The following CSMD1 variants were observed in gnomAD, a reference collection of about 807,000 sequenced individuals.
The protein encoded by CSMD1 is CUB and Sushi multiple domains 1.
In CSMD1, 213 loss-of-function variants were observed where a neutral mutation model predicts 417.5. The ratio of observed to expected loss-of-function variants is 0.51; its 90% CI spans 0.46 to 0.57. The LOEUF is 0.57. Ranked by LOEUF, CSMD1 falls within the 20% of genes least tolerant of loss-of-function variation. The probability of loss-of-function intolerance (pLI) is 0.00; values close to 1 mark genes in which losing one functional copy is unlikely to be tolerated. For missense variants in CSMD1, 6,923 were observed against 4,529.7 expected (o/e 1.53, Z -15.17); for synonymous variants, 2,862 against 1,736.8 (o/e 1.65, Z -16.11).
In CSMD1 at chr8:3,881,629, C is replaced by G. The variant is rs536684905; in HGVS notation, c.818+116274G>C. Among the ~76,000 whole-genome samples the G allele has an allele frequency of 1.7e-4, 22 of 127,170 alleles. No individual in the cohort carries two copies. The East Asian group carries it at 4.1e-3, about 24-fold the overall frequency. 83.4% of individuals were successfully genotyped at this position (127,170 alleles called of 152,430 possible). Reference sequence around the variant, plus strand: ...ATCTCAAAAAAAAAAAAAACAAAAACAAAAACAAACAAACAAACAAAAACC... The same window carrying G: ...ATCTCAAAAAAAAAAAAAACAAAAAGAAAAACAAACAAACAAACAAAAACC... On this transcript the variant is annotated intron_variant, in intron 5 of 69. Coordinates refer to ENST00000635120, the MANE Select transcript of CSMD1 (RefSeq NM_033225.6).
intron 1 of CSMD1, among the ~76,000 whole-genome samples, chr8:4,657,459 T>C (rs1804306811): frequency 6.6e-6 from 1 of 152,254 alleles, no homozygotes; most frequent in South Asian, 2.1e-4. Flanking sequence ...TTGGCATTCA[T>C]GGAAATCTCT....
chr8:3,137,522 T>A (rs535625835), intron 41 of CSMD1, among the ~76,000 whole-genome samples: 2 of 152,328 alleles, frequency 1.3e-5, no homozygotes, highest in East Asian at 3.9e-4. Context: ...CAGTGTATTG[T>A]TTTCAGTAAG....
chr8:4,802,147 G>C (rs1160855703), intron 1 of CSMD1, among the ~76,000 whole-genome samples: 1 of 152,184 alleles, frequency 6.6e-6, no homozygotes, highest in Non-Finnish European at 1.5e-5. Flanking sequence ...AAATCGAAGA[G>C]CAATTGCACA....
chr8:3,124,228 GACTCT>G (rs1049062276), intron 41 of CSMD1, among the ~76,000 whole-genome samples: 21 of 151,536 alleles, frequency 1.4e-4, no homozygotes, highest in Non-Finnish European at 2.7e-4. Context: ...ATTATTTATT[GACTCT>G]ACTCTGTTAT....
intron 7 of CSMD1, among the ~76,000 whole-genome samples, chr8:3,656,100 CAGA>C (rs745647198): frequency 2.0e-5 from 3 of 152,136 alleles, no homozygotes; most frequent in Non-Finnish European, 2.9e-5. Flanking sequence ...CAGATGCTAC[CAGA>C]AGATCATGGG....
intron 5 of CSMD1, among the ~76,000 whole-genome samples, chr8:3,889,713 C>G (rs376767037): frequency 6.6e-6 from 1 of 151,502 alleles, no homozygotes; most frequent in Non-Finnish European, 1.5e-5. Context: ...ATAAATTGAG[C>G]TATGGATTTT....
intron 64 of CSMD1, 71 bp from the exon 65 acceptor site, chr8:2,954,339 A>G (rs1802848513): frequency 2.2e-6 from 2 of 908,164 alleles, no homozygotes; most frequent in African/African-American, 1.7e-5. Context: ...AAAAATGTCA[A>G]ATTGAAGCAA....
chr8:3,127,612 G>C (rs1422062396), intron 41 of CSMD1: 1 of 152,098 alleles, frequency 6.6e-6, no homozygotes. Flanking sequence ...AGAATAAACA[G>C]ATTTAACACA....
At chr8:4,600,004 G>A (rs184393786) in intron 2 of CSMD1, among the ~76,000 whole-genome samples, 4 of 152,186 alleles carry the variant, frequency 2.6e-5, no homozygotes, top group African/African-American at 4.8e-5. Context: ...AACTAGAAAT[G>A]AAAGTCTAGG....
chr8:4,687,128 G>A (rs1241377641), intron 1 of CSMD1, among the ~76,000 whole-genome samples: 1 of 152,222 alleles, frequency 6.6e-6, no homozygotes, highest in Non-Finnish European at 1.5e-5. Flanking sequence ...ATAGCACACA[G>A]ACCATGGGCC....
chr8:3,118,548 T>G lies in CSMD1; in HGVS notation c.6281A>C (p.Gln2094Pro). Reference protein sequence around the residue: ...LQNCPDPPPFQNGYMINSDYS... With the variant: ...LQNCPDPPPFPNGYMINSDYS... The stretch of plus-strand genomic sequence containing the variant: ...ATCCGAGTTGATCATGTACCCATTC[T>G]GAAATGGGGGTGGATCTGGACAGTT... The change falls in exon 42 of 70, where the codon CAG becomes CCG. Residue 2094 changes from glutamine (Q) to proline (P), a missense_variant. Gln to Pro is a moderately conservative substitution (Grantham distance 76). Coordinates refer to ENST00000635120, the MANE Select transcript of CSMD1 (RefSeq NM_033225.6). The G allele has an allele frequency of 6.2e-7, 1 of 1,613,936 alleles. No homozygotes were observed. Among genetic ancestry groups the G allele is most frequent in the Non-Finnish European group, 8.5e-7 (1 of 1,179,828 alleles).
chr8:3,502,536 G>A (rs917528484), intron 10 of CSMD1, among the ~76,000 whole-genome samples: 2 of 152,072 alleles, frequency 1.3e-5, no homozygotes, highest in African/African-American at 4.8e-5. Context: ...GGGCTAAAAG[G>A]AAATGAGCTG....
chr8:3,827,092 T>C (rs1184663793), intron 5 of CSMD1, among the ~76,000 whole-genome samples: 2 of 152,204 alleles, frequency 1.3e-5, no homozygotes. Flanking sequence ...AGAAACAATA[T>C]CTTCTCTATT....
At chr8:3,821,479 G>C (rs1261698581) in intron 5 of CSMD1, among the ~76,000 whole-genome samples, 2 of 149,558 alleles carry the variant, frequency 1.3e-5, no homozygotes, top group Non-Finnish European at 3.0e-5. Context: ...GGACATTTTT[G>C]GCTCCATTAA....
At chr8:4,678,096 A>T (rs558424451) in intron 1 of CSMD1, among the ~76,000 whole-genome samples, 32 of 152,190 alleles carry the variant, frequency 2.1e-4, no homozygotes, top group Non-Finnish European at 4.4e-4. Context: ...TCTCTTATCA[A>T]GCTGGAAGGA....
chr8:4,810,995 G>T (rs904634115), intron 1 of CSMD1, among the ~76,000 whole-genome samples: 5 of 152,170 alleles, frequency 3.3e-5, no homozygotes, highest in Admixed American at 3.3e-4. Context: ...TTTGTTGTAA[G>T]AGTTTCATTT....
intron 31 of CSMD1, among the ~76,000 whole-genome samples, chr8:3,203,424 C>T (rs984074177): frequency 6.6e-6 from 1 of 152,122 alleles, no homozygotes; most frequent in Admixed American, 6.6e-5. Flanking sequence ...ATGAGAAGAA[C>T]AAACAAAGGG....
chr8:4,977,326 C>G (rs1810617646), intron 1 of CSMD1, among the ~76,000 whole-genome samples: 1 of 152,088 alleles, frequency 6.6e-6, no homozygotes, highest in Admixed American at 6.6e-5. Flanking sequence ...CCCTTCTAAC[C>G]TTGATTGAAA....
intron 5 of CSMD1, among the ~76,000 whole-genome samples, chr8:3,959,811 CT>C (rs1366795278): frequency 1.3e-5 from 2 of 152,160 alleles, no homozygotes; most frequent in Non-Finnish European, 2.9e-5. Flanking sequence ...CTGTTAGCAC[CT>C]TCTGGCATTA....
Sources: gnomAD v4.1 joint callset for allele counts (sites outside exome capture counted in the v4.1 genomes callset) on GRCh38, gnomAD v4.1.1 for gene constraint, MANE v1.5 for transcripts, NCBI Gene and HGNC (gene_info 2026-07-23, HGNC 2026-07-21) for gene names.